Variants in MKI67 observed in about 807,000 individuals in gnomAD.
The protein encoded by MKI67 is proliferation marker protein Ki-67.
Under a neutral mutation model 233.5 loss-of-function variants are expected in MKI67, and 152 were observed. The ratio of observed to expected loss-of-function variants is 0.65; its 90% CI spans 0.57 to 0.74. The LOEUF (loss-of-function observed/expected upper bound fraction) is 0.74. Among genes scored for constraint, MKI67 ranks in the 30% least tolerant of loss-of-function variants. The pLI is 0.00. For missense variants in MKI67, 3,940 were observed against 3,885.2 expected (o/e 1.01, Z -0.37); for synonymous variants, 1,465 against 1,418.5 (o/e 1.03, Z -0.74).
rs193123975 is a variant in MKI67 at position 128,124,534 on chromosome 10, A to G, written c.92+1042T>C. On this transcript the variant is annotated intron_variant, in intron 2 of 14. Coordinates refer to ENST00000368654, the MANE Select transcript of MKI67 (RefSeq NM_002417.5). ...ACTGTTCTCAAGAGATTGCAAATCC[A>G]TGGCTCCAGCCCATGTTTCTACTGA... 4.8e-3 allele frequency among the ~76,000 whole-genome samples: 730 copies of G among 152,350 alleles called. 5 individuals carry two copies. Among genetic ancestry groups the G allele is most frequent in the Non-Finnish European group, 7.2e-3 (491 of 68,032 alleles).
At position 128,113,444 on chromosome 10, in the gene MKI67, G is replaced by T; in HGVS notation, c.1639C>A (p.Leu547Met). Residue 547 changes from leucine to methionine, a missense_variant, in exon 8 of 15, where the codon CTG becomes ATG. Physicochemically the swap from Leu to Met is conservative, Grantham distance 15. Transcript: ENST00000368654. The part of the protein sequence containing the change: ...KSLVMHTPPV[L>M]KKIIKEQPQP... ...CAACTCACCTTGATGATTTTCTTCA[G>T]GACAGGTGGAGTGTGCATTACCAGA... is the stretch of plus-strand genomic sequence containing the variant. 1 of 1,614,200 alleles carries T rather than the reference G, an allele frequency of 6.2e-7. No homozygotes were observed. Among genetic ancestry groups the T allele is most frequent in the East Asian group, 2.2e-5 (1 of 44,882 alleles).
chr10:128,116,159 C>CTTATGATACTAGTA, intron 6 of MKI67, 152 bp from the exon 7 acceptor site: 1 of 805,832 alleles, frequency 1.2e-6, no homozygotes, highest in East Asian at 2.6e-5. Flanking sequence ...ACTTGCAAGT[C>CTTATGATACTAGTA]TTATGATACT....
chr10:128,126,316 G>A lies in MKI67; in HGVS notation c.-307C>T, dbSNP rs115838858. On this transcript the variant is annotated 5_prime_UTR_variant, in exon 1 of 15. Coordinates refer to ENST00000368654, the MANE Select transcript of MKI67 (RefSeq NM_002417.5). ...CCGCCGCCGCCTCTGACGGGGACCC[G>A]GTGGCCCTACAGGCTACGTCCCCGG... is the stretch of plus-strand genomic sequence containing the variant. 0.039 allele frequency: 6,022 copies of A among 152,820 alleles called. 406 individuals carry two copies. The highest frequency in any genetic ancestry group is 0.14 in the African/African-American group (5,627 of 41,476). 9.5% of individuals were successfully genotyped at this position (152,820 alleles called of 1,614,324 possible). A position where few individuals can be genotyped will look rare whatever the true frequency, so the allele number is the denominator to read the frequency against.
rs1161328143 is a variant in MKI67, at chr10:128,098,111, G to C, written c.*1079C>G. The C allele has an allele frequency of 6.6e-6, 1 of 152,264 alleles. No homozygotes were observed. Among genetic ancestry groups the C allele is most frequent in the Non-Finnish European group, 1.5e-5 (1 of 68,084 alleles). The allele number at this position is 152,264 out of a possible 1,614,324, so 9.4% of individuals were successfully genotyped here. A position where few individuals can be genotyped will look rare whatever the true frequency, so the allele number is the denominator to read the frequency against. ...ATGGCGGGCTATTCTCTGATTTGGG[G>C]AACACAGAGAGGACAGGGGGCAAAG... On this transcript the variant is annotated 3_prime_UTR_variant, in exon 15 of 15. Coordinates refer to ENST00000368654, the MANE Select transcript of MKI67 (RefSeq NM_002417.5).
At chr10:128,119,216 G>A (rs771198911) in intron 5 of MKI67, 37 bp downstream of exon 5, 12 of 1,442,136 alleles carry the variant, frequency 8.3e-6, no homozygotes, top group African/African-American at 5.6e-5. Flanking sequence ...TCATATCATC[G>A]AAACGAATCA....
chr10:128,103,046 C>T lies in MKI67; in HGVS notation c.8794G>A (p.Glu2932Lys), dbSNP rs1269894619. The change falls in exon 13 of 15, where the codon GAG (glutamate) becomes AAG (lysine). Residue 2932 changes from glutamate (E) to lysine (K), a missense_variant. Coordinates refer to ENST00000368654, the MANE Select transcript of MKI67 (RefSeq NM_002417.5). ...QELSQTPGHT[E>K]ELANGAADSF... ...TCAGCAGCACCATTTGCCAGTTCCT[C>T]AGTGTGGCCTGGTGTTTGAGAGAGC... 1 of 1,614,142 alleles carries T rather than the reference C, an allele frequency of 6.2e-7. No homozygotes were observed. Among genetic ancestry groups the T allele is most frequent in the East Asian group, 2.2e-5 (1 of 44,904 alleles).
Position 128,108,469 on chromosome 10 carries a change from G to T in MKI67, c.3371C>A (p.Thr1124Asn). 3.1e-6 allele frequency: 5 copies of T among 1,613,766 alleles called. No homozygotes were observed. The highest frequency in any genetic ancestry group is 4.2e-6 in the Non-Finnish European group (5 of 1,179,962). The stretch of plus-strand genomic sequence containing the variant: ...TGGAGATTTGCAGGCTATTTTGGTA[G>T]TTTTCTCATCAGTCATTGATTCCTC... ...PSEESMTDEK[T>N]TKIACKSPPP... is the part of the protein sequence containing the mutation. Residue 1124 changes from threonine (T) to asparagine (N), a missense_variant, in exon 13 of 15, where the codon ACT becomes AAT. Physicochemically the swap from Thr to Asn is moderately conservative, Grantham distance 65. Coordinates refer to ENST00000368654, the MANE Select transcript of MKI67 (RefSeq NM_002417.5).
In MKI67 at chr10:128,097,363, CCAT is replaced by C. The variant is rs1852232747; in HGVS notation, c.*1824_*1826del. 6.6e-6 allele frequency: 1 copy of C among 152,090 alleles called. No individual in the cohort carries two copies. Among genetic ancestry groups the C allele is most frequent in the Admixed American group, 6.5e-5 (1 of 15,274 alleles). 9.4% of individuals were successfully genotyped at this position (152,090 alleles called of 1,614,324 possible). ...TAGCCCTTAAATGAACATTTTTAACCCATCATCAACAGCCCTGTAAAATGAAAA... is the reference window on the plus strand; with the variant it reads ...TAGCCCTTAAATGAACATTTTTAACCCATCAACAGCCCTGTAAAATGAAAA... On this transcript the variant is annotated 3_prime_UTR_variant, in exon 15 of 15. Coordinates refer to ENST00000368654, the MANE Select transcript of MKI67 (RefSeq NM_002417.5).
chr10:128,116,504 G>C lies in MKI67; in HGVS notation c.387C>G (p.Phe129Leu). 6.2e-7 allele frequency: 1 copy of C among 1,614,110 alleles called. No individual in the cohort carries two copies. Among genetic ancestry groups the C allele is most frequent in the Non-Finnish European group, 8.5e-7 (1 of 1,179,930 alleles). ...EPARRVSRSS[F>L]SSDPDEKAQD... ...ACCACTACTCACCAGGGTCAGAAGAGAAGCTAGATCTTGAGACACGACGTG... is the reference window on the plus strand; with the variant it reads ...ACCACTACTCACCAGGGTCAGAAGACAAGCTAGATCTTGAGACACGACGTG... The change falls in exon 6 of 15, where the codon TTC (phenylalanine) becomes TTG (leucine). Residue 129 changes from phenylalanine to leucine, a missense_variant. Physicochemically the swap from Phe to Leu is conservative, Grantham distance 22. Transcript: ENST00000368654.
At position 128,105,411 on chromosome 10, in the gene MKI67, G is replaced by A; in HGVS notation, c.6429C>T (p.Thr2143=). Residue 2143 remains threonine, a synonymous_variant, in exon 13 of 15, where the codon ACC becomes ACT. Coordinates refer to ENST00000368654, the MANE Select transcript of MKI67 (RefSeq NM_002417.5). ...CTCCTGGTACTTTGTCTGTGTGTGT[G>A]GTCTGTGTGAGCTGCTTCAGGGCTG... is the stretch of plus-strand genomic sequence containing the variant. ...ELSALKQLTQ[T]THTDKVPGDE... The A allele has an allele frequency of 6.2e-7, 1 of 1,614,092 alleles. No individual in the cohort carries two copies. The highest frequency in any genetic ancestry group is 8.5e-7 in the Non-Finnish European group (1 of 1,180,020).
In MKI67 at chr10:128,106,777, G is replaced by C; in HGVS notation, c.5063C>G (p.Ala1688Gly). The stretch of plus-strand genomic sequence containing the variant: ...CTGCCTCTTGCTGCCAGTTAGACTT[G>C]CTGCTGAGTCTAAGATCTGCTTTGG... ...ESPKQILDSA[A>G]SLTGSKRQLR... Residue 1688 changes from alanine to glycine, a missense_variant, in exon 13 of 15, where the codon GCA becomes GGA. By Grantham distance (60) the Ala-to-Gly change is moderately conservative (BLOSUM62 0). Transcript: ENST00000368654. The C allele has an allele frequency of 6.2e-7, 1 of 1,613,308 alleles. No individual in the cohort carries two copies. The highest frequency in any genetic ancestry group is 8.5e-7 in the Non-Finnish European group (1 of 1,179,884).
rs1374608991 is a variant in MKI67 at position 128,123,015 on chromosome 10, G to T, written c.172-19C>A. 6.4e-7 allele frequency: 1 copy of T among 1,573,250 alleles called. No homozygotes were observed. Among genetic ancestry groups the T allele is most frequent in the Non-Finnish European group, 8.7e-7 (1 of 1,144,520 alleles). On this transcript the variant is annotated intron_variant, in intron 3 of 14. Transcript: ENST00000368654. ...ATATTGCCTGCAAGTGAAAAGAAGGGGAAATATGTAACTAATGAACAGATT... is the reference window on the plus strand; with the variant it reads ...ATATTGCCTGCAAGTGAAAAGAAGGTGAAATATGTAACTAATGAACAGATT...
Position 128,112,459 on chromosome 10 carries a change from A to G in MKI67, c.1657-14T>C, listed in dbSNP as rs758166544. The G allele has an allele frequency of 1.9e-6, 3 of 1,611,196 alleles. 1 individual carries two copies. The highest frequency in any genetic ancestry group is 2.2e-5 in the South Asian group (2 of 90,976). On this transcript the variant is annotated splice_polypyrimidine_tract_variant and intron_variant, in intron 8 of 14. Coordinates refer to ENST00000368654, the MANE Select transcript of MKI67 (RefSeq NM_002417.5). Reference sequence around the variant, plus strand: ...TTGAGGCTGTTCCTGACAAGACAAAATTGTTTACAAGAAGCCTTAACAAGG... The same window carrying G: ...TTGAGGCTGTTCCTGACAAGACAAAGTTGTTTACAAGAAGCCTTAACAAGG...
At position 128,107,260 on chromosome 10, in the gene MKI67, A is replaced by C. The variant is rs756363912; in HGVS notation, c.4580T>G (p.Leu1527Arg). ...KVDVEEEFFA[L>R]RKRTPSAGKA... is the part of the protein sequence containing the mutation. ...GCCTGCTGATGGTGTTCGTTTCCTGAGTGCGAAGAATTCTTCTTCTACGTC... is the reference window on the plus strand; with the variant it reads ...GCCTGCTGATGGTGTTCGTTTCCTGCGTGCGAAGAATTCTTCTTCTACGTC... Residue 1527 changes from leucine to arginine, a missense_variant, in exon 13 of 15, where the codon CTC becomes CGC. Transcript: ENST00000368654. 6.2e-7 allele frequency: 1 copy of C among 1,613,940 alleles called. No homozygotes were observed. Among genetic ancestry groups the C allele is most frequent in the South Asian group, 1.1e-5 (1 of 91,070 alleles).
Position 128,103,823 on chromosome 10 carries a change from C to T in MKI67, c.8017G>A (p.Ala2673Thr), listed in dbSNP as rs1392117702. ...RRRPRAPKEKAQPLEDLAGFT... is the reference protein window; with the variant it reads ...RRRPRAPKEKTQPLEDLAGFT... ...CCGGCCAGGTCTTCCAGGGGTTGGG[C>T]CTTTTCCTTAGGTGCTCTTGGCCTT... Residue 2673 changes from alanine to threonine, a missense_variant, in exon 13 of 15, where the codon GCC becomes ACC. Ala to Thr is a moderately conservative substitution (Grantham distance 58). Transcript: ENST00000368654. The T allele has an allele frequency of 6.2e-7, 1 of 1,613,882 alleles. No individual in the cohort carries two copies. The highest frequency in any genetic ancestry group is 1.3e-5 in the African/African-American group (1 of 74,832).
At chr10:128,114,512 C>T (rs1029326799) in intron 7 of MKI67, among the ~76,000 whole-genome samples, 8 of 152,184 alleles carry the variant, frequency 5.3e-5, no homozygotes, top group Non-Finnish European at 8.8e-5. Flanking sequence ...TGAGAACTAC[C>T]GCTATGTTTA....
At chr10:128,110,335 C>G (rs755059814) in intron 12 of MKI67, 43 bp downstream of exon 12, 3 of 1,465,438 alleles carry the variant, frequency 2.0e-6, no homozygotes, top group Non-Finnish European at 2.8e-6. Flanking sequence ...ACTGTATGTT[C>G]CTATCCCAAA....
Position 128,101,461 on chromosome 10 carries a change from T to C in MKI67, c.9502A>G (p.Lys3168Glu). 1 of 1,614,222 alleles carries C rather than the reference T, an allele frequency of 6.2e-7. No individual in the cohort carries two copies. Among genetic ancestry groups the C allele is most frequent in the Non-Finnish European group, 8.5e-7 (1 of 1,180,020 alleles). ...TGCCCTCCGCTCTCCTCTGCCACCT[T>C]AGGCTGGGAGCTCTCATTCTGTCTA... is the stretch of plus-strand genomic sequence containing the variant. Reference protein sequence around the residue: ...SARQNESSQPKVAEESGGQKS... With the variant: ...SARQNESSQPEVAEESGGQKS... The change falls in exon 14 of 15, where the codon AAG becomes GAG. Residue 3168 changes from lysine (K) to glutamate (E), a missense_variant. Coordinates refer to ENST00000368654, the MANE Select transcript of MKI67 (RefSeq NM_002417.5).
rs995519675 is a variant in MKI67, at chr10:128,125,422, A to T, written c.92+154T>A. Among the ~76,000 whole-genome samples, 2 of 152,216 alleles carry T rather than the reference A, an allele frequency of 1.3e-5. No homozygotes were observed. The highest frequency in any genetic ancestry group is 6.5e-5 in the Admixed American group (1 of 15,290). ...AAATTTATACTTACAAAACAAAAAA[A>T]CACAACTATGTCAACTTAGTAACGA... On this transcript the variant is annotated intron_variant, in intron 2 of 14. Transcript: ENST00000368654. The surrounding 1 kb of genome is among the most constrained non-coding windows in gnomAD (Gnocchi z 5.3).
Sources: allele counts gnomAD v4.1 joint callset (sites outside exome capture counted in the v4.1 genomes callset), GRCh38; gene constraint gnomAD v4.1.1; non-coding constraint Gnocchi (gnomAD v3.1); transcripts MANE v1.5; gene names NCBI Gene and HGNC (gene_info 2026-07-23, HGNC 2026-07-21).